Variants in KMT2D observed in about 807,000 individuals in gnomAD.
The protein encoded by KMT2D is lysine methyltransferase 2D, also known as histone-lysine N-methyltransferase 2D.
Under a neutral mutation model 512.7 loss-of-function variants are expected in KMT2D, and 55 were observed. The ratio of observed to expected loss-of-function variants is 0.11; its 90% CI spans 0.09 to 0.13. The LOEUF (loss-of-function observed/expected upper bound fraction) is 0.13. Among genes scored for constraint, KMT2D ranks in the 10% least tolerant of loss-of-function variants. The probability of loss-of-function intolerance (pLI) is 1.00; values close to 1 mark genes in which losing one functional copy is unlikely to be tolerated. For missense variants in KMT2D, 6,061 were observed against 7,127.9 expected (o/e 0.85, Z 5.39); for synonymous variants, 2,995 against 2,904.0 (o/e 1.03, Z -1.01).
In KMT2D at chr12:49,039,148, A is replaced by G. The variant is rs1250340647; in HGVS notation, c.8366+74T>C. On this transcript the variant is annotated intron_variant, in intron 34 of 54. Transcript: ENST00000301067. This position sits in a 1 kb window ranked among gnomAD's most constrained non-coding sequence, Gnocchi z 5.0. Reference sequence around the variant, plus strand: ...TGGAAAAGGATTAGTGATACAGGAAAATCACAAGAGCTTCCAACAGTGATA... The same window carrying G: ...TGGAAAAGGATTAGTGATACAGGAAGATCACAAGAGCTTCCAACAGTGATA... 3.2e-6 allele frequency: 5 copies of G among 1,584,244 alleles called. No homozygotes were observed. The Admixed American group carries it at 8.7e-5, about 27-fold the overall frequency.
Position 49,050,515 on chromosome 12 carries a change from A to G in KMT2D, c.3073T>C (p.Ser1025Pro), listed in dbSNP as rs770148458. ...ILMEPLPPQC[S>P]PLLQHSLVPQ... ...ACCAGGGAATGCTGAAGGAGTGGCG[A>G]ACACTGAGGAGGAAGGGGCTCCATC... Residue 1025 changes from serine (S) to proline (P), a missense_variant, in exon 12 of 55, where the codon TCG (serine) becomes CCG (proline). This residue lies in a region of KMT2D where 447 missense variants were observed against 500.1 expected (regional missense o/e 0.89). Coordinates refer to ENST00000301067, the MANE Select transcript of KMT2D (RefSeq NM_003482.4). The G allele has an allele frequency of 4.8e-5, 78 of 1,610,652 alleles. No homozygotes were observed. Among genetic ancestry groups the G allele is most frequent in the Non-Finnish European group, 6.5e-5 (76 of 1,177,492 alleles).
At position 49,034,934 on chromosome 12, in the gene KMT2D, G is replaced by A. The variant is rs148688181; in HGVS notation, c.10233C>T (p.Asp3411=). 2,295 of 1,613,976 alleles carry A rather than the reference G, an allele frequency of 1.4e-3. 3 individuals carry two copies. Among genetic ancestry groups the A allele is most frequent in the Non-Finnish European group, 1.7e-3 (2,019 of 1,179,884 alleles). The change falls in exon 36 of 55, where the codon GAC becomes GAT. Residue 3411 remains aspartate (D), a splice_region_variant and synonymous_variant. Transcript: ENST00000301067. The stretch of plus-strand genomic sequence containing the variant: ...TATCTTCTGCAGCAAATTTGTCCAG[G>A]TCTGGAGAGGGGAGAACCAAGTGAG... The part of the protein sequence containing the change: ...QLANSFFPDT[D]LDKFAAEDII...
At position 49,019,244 on chromosome 12, in the gene KMT2D, T is replaced by C; in HGVS notation, c.*2536A>G. The stretch of plus-strand genomic sequence containing the variant: ...ATAAAGTCTTCACGGGATTCACACT[T>C]GTCAGCGATTTATTTTTTAAAAAGG... On this transcript the variant is annotated 3_prime_UTR_variant, in exon 55 of 55. Transcript: ENST00000301067. The C allele has an allele frequency of 1.2e-6, 1 of 855,202 alleles. No homozygotes were observed. Among genetic ancestry groups the C allele is most frequent in the Non-Finnish European group, 1.5e-6 (1 of 687,890 alleles). 53.0% of individuals were successfully genotyped at this position (855,202 alleles called of 1,614,324 possible).
rs114500210 is a variant in KMT2D at position 49,028,808 on chromosome 12, G to A, written c.14382+20C>T. Reference sequence around the variant, plus strand: ...CTCTGATCAGGTTCCCCTCAGCCTCGAGGTACCCCTAGGACACACCTTGGC... The same window carrying A: ...CTCTGATCAGGTTCCCCTCAGCCTCAAGGTACCCCTAGGACACACCTTGGC... On this transcript the variant is annotated intron_variant, in intron 46 of 54. Coordinates refer to ENST00000301067, the MANE Select transcript of KMT2D (RefSeq NM_003482.4). The A allele has an allele frequency of 3.5e-4, 561 of 1,612,042 alleles. 1 individual carries two copies. The African/African-American group carries it at 6.8e-3, about 20-fold the overall frequency.
rs1942283148 is a variant in KMT2D, at chr12:49,020,757, G to A, written c.*1023C>T. ...CCCTACCCCCCACCCAACCCGTCCAGGGGCTGGAGGGCAAACAGGCTCATG... is the reference window on the plus strand; with the variant it reads ...CCCTACCCCCCACCCAACCCGTCCAAGGGCTGGAGGGCAAACAGGCTCATG... On this transcript the variant is annotated 3_prime_UTR_variant, in exon 55 of 55. Coordinates refer to ENST00000301067, the MANE Select transcript of KMT2D (RefSeq NM_003482.4). 4.8e-6 allele frequency: 1 copy of A among 207,964 alleles called. No individual in the cohort carries two copies. The highest frequency in any genetic ancestry group is 2.3e-5 in the African/African-American group (1 of 43,702). 12.9% of individuals were successfully genotyped at this position (207,964 alleles called of 1,614,324 possible).
At position 49,030,424 on chromosome 12, in the gene KMT2D, G is replaced by T; in HGVS notation, c.13855C>A (p.Pro4619Thr). 1 of 1,246,226 alleles carries T rather than the reference G, an allele frequency of 8.0e-7. No homozygotes were observed. Among genetic ancestry groups the T allele is most frequent in the South Asian group, 1.2e-5 (1 of 81,036 alleles). The allele number at this position is 1,246,226 out of a possible 1,614,324, so 77.2% of individuals were successfully genotyped here. A position where few individuals can be genotyped will look rare whatever the true frequency, so the allele number is the denominator to read the frequency against. Reference sequence around the variant, plus strand: ...GGCAGCGACGAGGGTGGTGTCGGCGGGTTACTCAGGTTATTCTGAGGGGTG... The same window carrying T: ...GGCAGCGACGAGGGTGGTGTCGGCGTGTTACTCAGGTTATTCTGAGGGGTG... ...QLLTKNNLSNPPTPPSSLPPT... is the reference protein window; with the variant it reads ...QLLTKNNLSNTPTPPSSLPPT... Residue 4619 changes from proline (P) to threonine (T), a missense_variant, in exon 43 of 55, where the codon CCG (proline) becomes ACG (threonine). Around this residue, in one of 16 missense-constraint regions of KMT2D, gnomAD observed 1,600 missense variants for 1,754.9 expected, o/e 0.91. Transcript: ENST00000301067.
intron 14 of KMT2D, 95 bp from the exon 15 acceptor site, chr12:49,048,164 A>G (rs939646541): frequency 1.1e-5 from 9 of 806,152 alleles, no homozygotes; most frequent in Non-Finnish European, 8.1e-6. Context: ...ATTTGCGACC[A>G]GAGTCAGGAA....
rs55776396 is a variant in KMT2D, at chr12:49,024,652, A to C, written c.15978T>G (p.Leu5326=). ...GGTTGATCATGAGTGGCAGCTCCAT[A>C]AGGGGGTGGCGCCCATAGCGGAATA... ...NYLFRYGRHP[L]MELPLMINPT... is the part of the protein sequence containing the mutation. The change falls in exon 51 of 55, where the codon CTT becomes CTG. Residue 5326 remains leucine (L), a synonymous_variant. Coordinates refer to ENST00000301067, the MANE Select transcript of KMT2D (RefSeq NM_003482.4). The surrounding 1 kb of genome is among the most constrained non-coding windows in gnomAD (Gnocchi z 4.5). 0.029 allele frequency: 46,144 copies of C among 1,613,796 alleles called. 800 individuals are homozygous for C. Among genetic ancestry groups the C allele is most frequent in the Non-Finnish European group, 0.031 (36,705 of 1,179,820 alleles).
At position 49,053,195 on chromosome 12, in the gene KMT2D, G is replaced by A. The variant is rs915692803; in HGVS notation, c.954+12C>T. 1 of 1,611,718 alleles carries A rather than the reference G, an allele frequency of 6.2e-7. No homozygotes were observed. Among genetic ancestry groups the A allele is most frequent in the African/African-American group, 1.3e-5 (1 of 75,012 alleles). On this transcript the variant is annotated intron_variant, in intron 8 of 54. Coordinates refer to ENST00000301067, the MANE Select transcript of KMT2D (RefSeq NM_003482.4). ...AGTTAGGGACAATAGGGCAGAATCA[G>A]GGTACACTCACCTTGCACTTCCAAG...
At chr12:49,035,032 C>A (rs1253738602) in intron 35 of KMT2D, 97 bp from the exon 36 acceptor site, 2 of 1,466,900 alleles carry the variant, frequency 1.4e-6, no homozygotes, top group South Asian at 1.2e-5. Flanking sequence ...CCACGCCAGG[C>A]AGAACAATGG....
intron 49 of KMT2D, among the ~76,000 whole-genome samples, chr12:49,025,864 A>C (rs1426621787): frequency 1.3e-5 from 2 of 152,194 alleles, no homozygotes; most frequent in Non-Finnish European, 1.5e-5. Context: ...AACCCCAAGG[A>C]ACTTGGTTAG....
In KMT2D at chr12:49,040,267, C is replaced by T. The variant is rs565210702; in HGVS notation, c.7503G>A (p.Gly2501=). The change falls in exon 32 of 55, where the codon GGG becomes GGA. Residue 2501 remains glycine, a synonymous_variant. Transcript: ENST00000301067. ...CCTTGGCATGGAGCTCACCTGCTGG[C>T]CCCGCGGGCAGGGCTGCTGGGAACC... The part of the protein sequence containing the change: ...AGGFPAALPA[G]PAGELHAKVP... 1.6e-5 allele frequency: 25 copies of T among 1,610,510 alleles called. No individual in the cohort carries two copies. Among genetic ancestry groups the T allele is most frequent in the East Asian group, 8.9e-5 (4 of 44,818 alleles).
chr12:49,023,192 C>T (rs1438851628), intron 51 of KMT2D, among the ~76,000 whole-genome samples: 2 of 152,148 alleles, frequency 1.3e-5, no homozygotes, highest in Admixed American at 1.3e-4. Context: ...CACTTCCTAC[C>T]ACTCTCCTGC....
chr12:49,053,034 T>C lies in KMT2D; in HGVS notation c.993A>G (p.Ala331=). Residue 331 remains alanine (A), a synonymous_variant, in exon 9 of 55, where the codon GCA becomes GCG. Coordinates refer to ENST00000301067, the MANE Select transcript of KMT2D (RefSeq NM_003482.4). ...RVCRACGAGS[A]ELNPNSEWFE... is the part of the protein sequence containing the mutation. Reference sequence around the variant, plus strand: ...ACCACTCCGAGTTGGGATTCAGTTCTGCTGAGCCCGCCCCACAGGCCCGGC... The same window carrying C: ...ACCACTCCGAGTTGGGATTCAGTTCCGCTGAGCCCGCCCCACAGGCCCGGC... The C allele has an allele frequency of 6.2e-7, 1 of 1,614,054 alleles. No individual in the cohort carries two copies. Among genetic ancestry groups the C allele is most frequent in the Non-Finnish European group, 8.5e-7 (1 of 1,179,888 alleles).
chr12:49,042,887 G>A lies in KMT2D; in HGVS notation c.5645-9C>T, dbSNP rs752703495. On this transcript the variant is annotated splice_polypyrimidine_tract_variant and intron_variant, in intron 26 of 54. Transcript: ENST00000301067. This position sits in a 1 kb window ranked among gnomAD's most constrained non-coding sequence, Gnocchi z 4.4. ...TTCCATCTTGGGCAGTTCTGTGGGGGAATGAAGGACACTGTTGAGGAAGAC... is the reference window on the plus strand; with the variant it reads ...TTCCATCTTGGGCAGTTCTGTGGGGAAATGAAGGACACTGTTGAGGAAGAC... 1 of 1,613,668 alleles carries A rather than the reference G, an allele frequency of 6.2e-7. No individual in the cohort carries two copies. The highest frequency in any genetic ancestry group is 1.7e-5 in the Admixed American group (1 of 59,956).
In KMT2D at chr12:49,042,008, T is replaced by C. The variant is rs1167852143; in HGVS notation, c.6110-18A>G. The C allele has an allele frequency of 1.2e-6, 2 of 1,610,894 alleles. No individual in the cohort carries two copies. The highest frequency in any genetic ancestry group is 1.7e-6 in the Non-Finnish European group (2 of 1,178,652). On this transcript the variant is annotated intron_variant, in intron 29 of 54. Coordinates refer to ENST00000301067, the MANE Select transcript of KMT2D (RefSeq NM_003482.4). The surrounding 1 kb of genome is among the most constrained non-coding windows in gnomAD (Gnocchi z 4.4). ...TGACCAGTCTGGAGGGCAGAGAGAGTGAGTCAGAGAAGACTTGGCAGGCGA... is the reference window on the plus strand; with the variant it reads ...TGACCAGTCTGGAGGGCAGAGAGAGCGAGTCAGAGAAGACTTGGCAGGCGA...
At chr12:49,055,253 A>G (rs773673110) in intron 2 of KMT2D, 23 bp downstream of exon 2, 6 of 1,613,426 alleles carry the variant, frequency 3.7e-6, no homozygotes, top group Non-Finnish European at 4.2e-6. Flanking sequence ...TCTAAAAGCA[A>G]ACAAACAATT....
At position 49,042,537 on chromosome 12, in the gene KMT2D, C is replaced by A; in HGVS notation, c.5867+24G>T. ...GGGAAAGGACAACGAGGACTGCCCA[C>A]AAAGGTTACGCAGAGACACCAACCT... On this transcript the variant is annotated intron_variant, in intron 28 of 54. Coordinates refer to ENST00000301067, the MANE Select transcript of KMT2D (RefSeq NM_003482.4). The surrounding 1 kb of genome is among the most constrained non-coding windows in gnomAD (Gnocchi z 4.4). 2 of 1,611,166 alleles carry A rather than the reference C, an allele frequency of 1.2e-6. No homozygotes were observed. The highest frequency in any genetic ancestry group is 1.3e-5 in the African/African-American group (1 of 74,956).
intron 35 of KMT2D, among the ~76,000 whole-genome samples, chr12:49,036,769 G>C (rs1943244177): frequency 6.6e-6 from 1 of 152,026 alleles, no homozygotes; most frequent in African/African-American, 2.4e-5. Context: ...CAAAGTGCTG[G>C]GATTACAGGC....
Sources: allele counts gnomAD v4.1 joint callset (sites outside exome capture counted in the v4.1 genomes callset), GRCh38; gene constraint gnomAD v4.1.1; regional missense constraint gnomAD v4.1.1; non-coding constraint Gnocchi (gnomAD v3.1); transcripts MANE v1.5; gene names NCBI Gene and HGNC (gene_info 2026-07-23, HGNC 2026-07-21).